PLEKHA7: variants seen among roughly 807,000 people sequenced by gnomAD.
The protein encoded by PLEKHA7 is pleckstrin homology domain containing A7, also known as pleckstrin homology domain-containing family A member 7.
In PLEKHA7, 104 loss-of-function variants were observed where a neutral mutation model predicts 170.0. The ratio of observed to expected loss-of-function variants is 0.61; its 90% CI spans 0.52 to 0.72. The LOEUF (loss-of-function observed/expected upper bound fraction) is 0.72, where lower values mean the gene tolerates loss of function less well. Among genes scored for constraint, PLEKHA7 ranks in the 30% least tolerant of loss-of-function variants. PLEKHA7 has a pLI of 0.00. For synonymous variants in PLEKHA7, 648 were observed against 660.8 expected (o/e 0.98, Z 0.30); for missense variants, 1,615 against 1,671.7 (o/e 0.97, Z 0.59).
intron 3 of PLEKHA7, among the ~76,000 whole-genome samples, chr11:16,996,797 A>T (rs1248323847): frequency 6.6e-6 from 1 of 152,108 alleles, no homozygotes; most frequent in East Asian, 1.9e-4. Flanking sequence ...TTAGCTGGGC[A>T]TGGTGGTGGT....
At chr11:16,919,321 C>A (rs1365324022) in intron 3 of PLEKHA7, among the ~76,000 whole-genome samples, 1 of 152,214 alleles carries the variant, frequency 6.6e-6, no homozygotes, top group Non-Finnish European at 1.5e-5. Flanking sequence ...CCTCACTTAA[C>A]TAAAAACTAT....
intron 3 of PLEKHA7, among the ~76,000 whole-genome samples, chr11:16,965,805 G>A (rs1862337988): frequency 6.6e-6 from 1 of 152,228 alleles, no homozygotes. Context: ...ATGTCAGTGA[G>A]TGGCTGTAAG....
In PLEKHA7 at chr11:16,794,931, C is replaced by G; in HGVS notation, c.2497G>C (p.Val833Leu). The G allele has an allele frequency of 6.2e-7, 1 of 1,612,806 alleles. No individual in the cohort carries two copies. Residue 833 changes from valine (V) to leucine (L), a missense_variant, in exon 18 of 27, where the codon GTG (valine) becomes CTG (leucine). Coordinates refer to ENST00000531066, the MANE Select transcript of PLEKHA7 (RefSeq NM_001329630.2). ...SANKENFRIL[V>L]ESVKNPERKT... ...TCACCCGGATTTTTTACTGACTCCA[C>G]TAGAATTCTGAAGTTCTCTTTATTT...
intron 8 of PLEKHA7, among the ~76,000 whole-genome samples, chr11:16,843,475 C>A (rs1852130402): frequency 6.6e-6 from 1 of 152,260 alleles, no homozygotes; most frequent in African/African-American, 2.4e-5. Flanking sequence ...ATTTACATAT[C>A]TGAGTCCATC....
chr11:16,851,380 G>T (rs1040158716), intron 7 of PLEKHA7, 89 bp from the exon 8 acceptor site: 16 of 859,134 alleles, frequency 1.9e-5, no homozygotes, highest in Non-Finnish European at 2.9e-5. Flanking sequence ...CAGCCAAGTT[G>T]TTTCCTCCCC....
chr11:16,861,615 C>A (rs1231314357), intron 4 of PLEKHA7, among the ~76,000 whole-genome samples: 1 of 152,170 alleles, frequency 6.6e-6, no homozygotes, highest in East Asian at 1.9e-4. Flanking sequence ...CGTCACTTCA[C>A]TCCAGCCTTG....
intron 3 of PLEKHA7, among the ~76,000 whole-genome samples, chr11:16,993,172 TC>T (rs947365997): frequency 1.3e-5 from 2 of 152,128 alleles, no homozygotes; most frequent in African/African-American, 4.8e-5. Context: ...AGGTAAATGA[TC>T]AGCCATAGAA....
chr11:16,970,720 G>C (rs1479436294), intron 3 of PLEKHA7, among the ~76,000 whole-genome samples: 1 of 152,012 alleles, frequency 6.6e-6, no homozygotes, highest in African/African-American at 2.4e-5. Context: ...AAATCACATT[G>C]TAGAAGAACA....
chr11:16,801,083 C>G lies in PLEKHA7; in HGVS notation c.2308-8G>C. On this transcript the variant is annotated splice_region_variant and splice_polypyrimidine_tract_variant and intron_variant, in intron 16 of 26. Coordinates refer to ENST00000531066, the MANE Select transcript of PLEKHA7 (RefSeq NM_001329630.2). ...CCAAGCATTTTCCATCTCCTGTTGGCCAAGACAATGCTTCCGGTTCTTAGT... is the reference window on the plus strand; with the variant it reads ...CCAAGCATTTTCCATCTCCTGTTGGGCAAGACAATGCTTCCGGTTCTTAGT... 6.2e-7 allele frequency: 1 copy of G among 1,612,012 alleles called. No homozygotes were observed. The highest frequency in any genetic ancestry group is 8.5e-7 in the Non-Finnish European group (1 of 1,178,084).
intron 3 of PLEKHA7, among the ~76,000 whole-genome samples, chr11:16,909,868 G>C (rs177553): frequency 0.23 from 35,555 of 151,910 alleles, 6,418 homozygotes; most frequent in African/African-American, 0.49. Flanking sequence ...TTTTATAATA[G>C]ATCTGACAGC....
chr11:16,910,007 A>T (rs1030814416), intron 3 of PLEKHA7, among the ~76,000 whole-genome samples: 10 of 152,192 alleles, frequency 6.6e-5, no homozygotes, highest in African/African-American at 1.9e-4. Context: ...GATCAAATTT[A>T]AAGTGGGAGA....
At chr11:16,899,434 T>C (rs1238717244) in intron 3 of PLEKHA7, among the ~76,000 whole-genome samples, 1 of 151,636 alleles carries the variant, frequency 6.6e-6, no homozygotes, top group Non-Finnish European at 1.5e-5. Flanking sequence ...GAGGCGGAGG[T>C]TGTGGTGAGC....
intron 4 of PLEKHA7, among the ~76,000 whole-genome samples, chr11:16,859,241 T>C (rs1296014098): frequency 6.6e-6 from 1 of 152,180 alleles, no homozygotes; most frequent in Non-Finnish European, 1.5e-5. Flanking sequence ...AGCTACCCAC[T>C]TGTCCAAGTA....
intron 3 of PLEKHA7, among the ~76,000 whole-genome samples, chr11:16,906,944 C>T (rs1565099709): frequency 6.7e-6 from 1 of 149,404 alleles, no homozygotes; most frequent in Non-Finnish European, 1.5e-5. Flanking sequence ...GCCGCCCCGT[C>T]TGGGATGTGA....
intron 10 of PLEKHA7, among the ~76,000 whole-genome samples, chr11:16,824,191 T>C (rs149840270): frequency 1.6e-4 from 24 of 152,278 alleles, no homozygotes; most frequent in African/African-American, 2.6e-4. Context: ...TAGTATTTGA[T>C]AGCATAACAG....
chr11:16,916,757 C>G (rs1858714826), intron 3 of PLEKHA7, among the ~76,000 whole-genome samples: 1 of 152,166 alleles, frequency 6.6e-6, no homozygotes, highest in Non-Finnish European at 1.5e-5. Context: ...ACCTAGTTTT[C>G]TGATCTGACT....
chr11:16,783,816 C>A lies in PLEKHA7; in HGVS notation c.3534G>T (p.Lys1178Asn). 1 of 1,501,764 alleles carries A rather than the reference C, an allele frequency of 6.7e-7. No individual in the cohort carries two copies. The highest frequency in any genetic ancestry group is 8.8e-7 in the Non-Finnish European group (1 of 1,130,406). 93.0% of individuals were successfully genotyped at this position (1,501,764 alleles called of 1,614,324 possible). Residue 1178 changes from lysine to asparagine, a missense_variant, in exon 25 of 27, where the codon AAG becomes AAT. Physicochemically the swap from Lys to Asn is moderately conservative, Grantham distance 94. Transcript: ENST00000531066. ...CCACGTAGCGCTCAGGGATTGACACCTTCTCTGGTTTGGACAGCTGGGGAG... is the reference window on the plus strand; with the variant it reads ...CCACGTAGCGCTCAGGGATTGACACATTCTCTGGTTTGGACAGCTGGGGAG... ...DISRELSKPE[K>N]VSIPERYVEL...
At chr11:16,882,768 C>G (rs1855799909) in intron 3 of PLEKHA7, among the ~76,000 whole-genome samples, 1 of 152,126 alleles carries the variant, frequency 6.6e-6, no homozygotes, top group Non-Finnish European at 1.5e-5. Context: ...ATCATAATCA[C>G]CCCCACAGAA....
chr11:16,923,827 C>T (rs940528431), intron 3 of PLEKHA7, among the ~76,000 whole-genome samples: 3 of 152,210 alleles, frequency 2.0e-5, no homozygotes, highest in Non-Finnish European at 2.9e-5. Flanking sequence ...CCAAGACATG[C>T]TCATCTTCCT....
Sources: allele counts gnomAD v4.1 joint callset (sites outside exome capture counted in the v4.1 genomes callset), GRCh38; gene constraint gnomAD v4.1.1; transcripts MANE v1.5; gene names NCBI Gene and HGNC (gene_info 2026-07-23, HGNC 2026-07-21).